The following LIMA1 variants were observed in gnomAD, a reference collection of about 807,000 sequenced individuals.
LIMA1 encodes LIM domain and actin-binding protein 1.
Under a neutral mutation model 62.6 loss-of-function variants are expected in LIMA1, and 52 were observed. That is an observed-to-expected ratio of 0.83 (90% CI 0.67 to 1.05). The LOEUF (loss-of-function observed/expected upper bound fraction) is 1.05. Ranked by LOEUF, LIMA1 falls within the 50% of genes least tolerant of loss-of-function variation. LIMA1 has a pLI of 0.00. For synonymous variants in LIMA1, 302 were observed against 317.8 expected, an observed-to-expected ratio of 0.95 and a Z score of 0.53; for missense variants, 780 against 902.2, an observed-to-expected ratio of 0.86 and a Z score of 1.74.
At chr12:50,201,174 C>T in intron 6 of LIMA1, 1 of 1,105,798 alleles carries the variant, frequency 9.0e-7, no homozygotes, top group South Asian at 2.7e-5. Flanking sequence ...AAGCATACAA[C>T]ATTCTTGTGA....
intron 9 of LIMA1, 26 bp downstream of exon 9, chr12:50,192,426 G>A: frequency 6.9e-7 from 1 of 1,440,852 alleles, no homozygotes; most frequent in Admixed American, 1.7e-5. Context: ...AATGTCCAAA[G>A]GCTCAGAGAG....
At chr12:50,215,539 G>A (rs1156673907) in intron 4 of LIMA1, among the ~76,000 whole-genome samples, 4 of 152,086 alleles carry the variant, frequency 2.6e-5, no homozygotes, top group African/African-American at 4.8e-5. Flanking sequence ...GCGCAATCTC[G>A]GCTCACTGCA....
rs542945877 is a variant in LIMA1 at position 50,190,671 on chromosome 12, C to T, written c.1140+1781G>A. Among the ~76,000 whole-genome samples, 941 of 142,726 alleles carry T rather than the reference C, an allele frequency of 6.6e-3. 18 individuals carry two copies. Among genetic ancestry groups the T allele is most frequent in the African/African-American group, 0.023 (875 of 37,804 alleles). 93.6% of individuals were successfully genotyped at this position (142,726 alleles called of 152,430 possible). On this transcript the variant is annotated intron_variant, in intron 9 of 10. Transcript: ENST00000341247. ...CTGGGATTACAGGCGTGAGCCACCACACCCGGCCTCATTTTTTTTTTTTTT... is the reference window on the plus strand; with the variant it reads ...CTGGGATTACAGGCGTGAGCCACCATACCCGGCCTCATTTTTTTTTTTTTT...
intron 9 of LIMA1, chr12:50,189,367 A>G (rs7138420): frequency 0.3 from 46,257 of 151,962 alleles, 7,348 homozygotes; most frequent in South Asian, 0.4. Context: ...CTGTGGACCA[A>G]TCATGCTCAC....
chr12:50,198,013 A>C (rs1355747411), intron 7 of LIMA1, among the ~76,000 whole-genome samples: 1 of 152,252 alleles, frequency 6.6e-6, no homozygotes, highest in Non-Finnish European at 1.5e-5. Context: ...TTATATGACC[A>C]TGTAACACAT....
intron 4 of LIMA1, among the ~76,000 whole-genome samples, chr12:50,207,834 G>A (rs1565840950): frequency 6.7e-6 from 1 of 150,292 alleles, no homozygotes; most frequent in African/African-American, 2.5e-5. Context: ...AGGTTGCAGG[G>A]AGCAGAGATC....
intron 6 of LIMA1, chr12:50,201,464 T>C: frequency 1.0e-6 from 1 of 980,942 alleles, no homozygotes; most frequent in Non-Finnish European, 1.2e-6. Context: ...AAAGACATAA[T>C]TTATTTTACT....
chr12:50,177,233 G>T lies in LIMA1; in HGVS notation c.2111C>A (p.Ser704Tyr), dbSNP rs751490475. 6.2e-7 allele frequency: 1 copy of T among 1,614,114 alleles called. No individual in the cohort carries two copies. Among genetic ancestry groups the T allele is most frequent in the African/African-American group, 1.3e-5 (1 of 75,044 alleles). ...LKQQSPQEPK[S>Y]LNWSSFVDNT... ...GTCTACAAAACTCGACCAATTCAGA[G>T]ACTTGGGTTCTTGTGGAGATTGTTG... The change falls in exon 11 of 11, where the codon TCT becomes TAT. Residue 704 changes from serine to tyrosine, a missense_variant. Transcript: ENST00000341247.
chr12:50,247,604 A>AATAATTATTATT (rs1555209670), intron 2 of LIMA1, among the ~76,000 whole-genome samples: 14 of 140,612 alleles, frequency 1.0e-4, no homozygotes, highest in East Asian at 2.1e-4. Context: ...TAAATGCTGG[A>AATAATTATTATT]ATTATTATTA....
chr12:50,205,901 A>G, intron 5 of LIMA1, 83 bp downstream of exon 5: 1 of 931,866 alleles, frequency 1.1e-6, no homozygotes, highest in Non-Finnish European at 1.6e-6. Context: ...CTTCCTTTAA[A>G]AGCATTGGCT....
At position 50,181,787 on chromosome 12, in the gene LIMA1, A is replaced by G. The variant is rs1437266600; in HGVS notation, c.1274+117T>C. On this transcript the variant is annotated intron_variant, in intron 10 of 10. Transcript: ENST00000341247. ...CTAAATGATGCTTTTTACTTTATTC[A>G]AGAGCCTTCAACAGAATATCATTAG... 7.3e-6 allele frequency: 8 copies of G among 1,097,362 alleles called. No individual in the cohort carries two copies. The East Asian group carries it at 1.9e-4, about 26-fold the overall frequency. The allele number at this position is 1,097,362 out of a possible 1,614,324, so 68.0% of individuals were successfully genotyped here. A position where few individuals can be genotyped will look rare whatever the true frequency, so the allele number is the denominator to read the frequency against.
intron 8 of LIMA1, among the ~76,000 whole-genome samples, chr12:50,193,664 ATATT>A (rs1565833510): frequency 6.5e-5 from 4 of 61,760 alleles, no homozygotes; most frequent in Admixed American, 3.0e-4. Context: ...ATATATATAT[ATATT>A]TTTTTTTTTT....
intron 1 of LIMA1, among the ~76,000 whole-genome samples, chr12:50,261,342 A>G (rs145985612): frequency 6.6e-6 from 1 of 151,810 alleles, no homozygotes; most frequent in Non-Finnish European, 1.5e-5. Flanking sequence ...GTGATAGTGT[A>G]TTGCTTTCTA....
intron 7 of LIMA1, 56 bp downstream of exon 7, chr12:50,200,721 A>G: frequency 6.4e-7 from 1 of 1,559,368 alleles, no homozygotes; most frequent in Non-Finnish European, 8.8e-7. Context: ...AATTTCAAGC[A>G]TCTAATTTAG....
intron 1 of LIMA1, among the ~76,000 whole-genome samples, chr12:50,281,378 G>C (rs1476566205): frequency 6.6e-6 from 1 of 152,128 alleles, no homozygotes; most frequent in Admixed American, 6.5e-5. Flanking sequence ...ATCTTAGCAG[G>C]AAAAAGTATC....
At chr12:50,252,386 C>G (rs1055002192) in intron 1 of LIMA1, among the ~76,000 whole-genome samples, 19 of 151,938 alleles carry the variant, frequency 1.3e-4, no homozygotes, top group African/African-American at 4.1e-4. Context: ...TTGAGACCAG[C>G]CTGCCCAAGA....
chr12:50,181,832 A>C, intron 10 of LIMA1, 72 bp downstream of exon 10: 2 of 1,502,546 alleles, frequency 1.3e-6, no homozygotes, highest in Non-Finnish European at 1.8e-6. Context: ...TTTTAGCACC[A>C]GTGCTCTAAA....
chr12:50,185,805 A>G, intron 9 of LIMA1: 1 of 218,808 alleles, frequency 4.6e-6, no homozygotes, highest in Admixed American at 5.1e-5. Flanking sequence ...CTTCCTCCTT[A>G]ACATCAAGTT....
chr12:50,231,523 C>T, intron 3 of LIMA1, 142 bp downstream of exon 3: 1 of 784,432 alleles, frequency 1.3e-6, no homozygotes, highest in Non-Finnish European at 2.2e-6. Context: ...TTGTCCTGAG[C>T]AAATGGCTCA....
Sources: gnomAD v4.1 joint callset for allele counts (sites outside exome capture counted in the v4.1 genomes callset) on GRCh38, gnomAD v4.1.1 for gene constraint, MANE v1.5 for transcripts, NCBI Gene and HGNC (gene_info 2026-07-23, HGNC 2026-07-21) for gene names.